HYCC2: variants seen among roughly 807,000 people sequenced by gnomAD.
The protein encoded by HYCC2 is hyccin PI4KA lipid kinase complex subunit 2.
the HYCC2 span, chr2:200,996,323 T>TA: frequency 3.9e-5 from 6 of 152,228 alleles, no homozygotes; most frequent in African/African-American, 1.4e-4. Context: ...CTGGCCTACA[T>TA]TTTTTCTATG....
chr2:200,994,147 C>T, the HYCC2 span, among the ~76,000 whole-genome samples: 1 of 152,044 alleles, frequency 6.6e-6, no homozygotes, highest in African/African-American at 2.4e-5. Context: ...AGTATCACAC[C>T]ACTATGGTAT....
chr2:200,991,586 A>C, the HYCC2 span, among the ~76,000 whole-genome samples: 2 of 151,718 alleles, frequency 1.3e-5, no homozygotes, highest in East Asian at 3.9e-4. Flanking sequence ...AAAAAAAGAA[A>C]AAATCACCTG....
At chr2:200,993,136 G>A in the HYCC2 span, 29 of 618,986 alleles carry the variant, frequency 4.7e-5, no homozygotes, top group South Asian at 1.7e-4. Flanking sequence ...ACCAGTCATC[G>A]TTCTGGGCCT....
the HYCC2 span, among the ~76,000 whole-genome samples, chr2:201,038,706 G>A: frequency 2.0e-5 from 3 of 151,858 alleles, no homozygotes; most frequent in African/African-American, 4.8e-5. Context: ...AAAACACATC[G>A]ACACAGGAAG....
the HYCC2 span, among the ~76,000 whole-genome samples, chr2:201,003,698 G>A: frequency 6.9e-6 from 1 of 145,056 alleles, no homozygotes; most frequent in African/African-American, 2.5e-5. Flanking sequence ...GACAGAGCGA[G>A]ACTCCATCTT....
the HYCC2 span, among the ~76,000 whole-genome samples, chr2:201,035,253 T>A: frequency 6.6e-6 from 1 of 152,250 alleles, no homozygotes; most frequent in Non-Finnish European, 1.5e-5. Context: ...CAGACGTAGA[T>A]TTGGTCTTTT....
chr2:201,026,011 C>G, the HYCC2 span, among the ~76,000 whole-genome samples: 2 of 152,134 alleles, frequency 1.3e-5, no homozygotes. Flanking sequence ...TTAAAAGACA[C>G]AGACTGGCAA....
At chr2:201,046,439 G>A in the HYCC2 span, among the ~76,000 whole-genome samples, 2 of 152,072 alleles carry the variant, frequency 1.3e-5, no homozygotes, top group Admixed American at 1.3e-4. Context: ...GGAAGAACTT[G>A]AAAAGGGCTA....
chr2:201,040,331 T>C, the HYCC2 span, among the ~76,000 whole-genome samples: 84 of 152,162 alleles, frequency 5.5e-4, 1 homozygote, highest in Non-Finnish European at 4.3e-4. Context: ...AGAATTTCTT[T>C]CATTAAAAAA....
chr2:201,008,488 A>G, the HYCC2 span, among the ~76,000 whole-genome samples: 1 of 152,160 alleles, frequency 6.6e-6, no homozygotes, highest in African/African-American at 2.4e-5. Flanking sequence ...AGCTGAGTGC[A>G]GTGGTGCATG....
the HYCC2 span, among the ~76,000 whole-genome samples, chr2:201,044,848 T>G: frequency 6.6e-6 from 1 of 152,168 alleles, no homozygotes; most frequent in Non-Finnish European, 1.5e-5. Context: ...AATTACATGC[T>G]AGGTACCAAG....
chr2:200,981,364 G>A, the HYCC2 span: 1 of 1,614,192 alleles, frequency 6.2e-7, no homozygotes. This position sits in a 1 kb window ranked among gnomAD's most constrained non-coding sequence, Gnocchi z 4.5. Flanking sequence ...ACCTTCGCCA[G>A]CTTGACCTAG....
chr2:201,002,650 C>A, the HYCC2 span, among the ~76,000 whole-genome samples: 1 of 151,690 alleles, frequency 6.6e-6, no homozygotes, highest in Admixed American at 6.6e-5. Flanking sequence ...CTCAGCCTCC[C>A]GAGTAGCTGG....
the HYCC2 span, chr2:201,063,775 T>C: frequency 3.1e-6 from 5 of 1,590,598 alleles, no homozygotes; most frequent in Non-Finnish European, 4.3e-6. Context: ...GTGGCTTTGG[T>C]GGCAGCCGTG....
the HYCC2 span, among the ~76,000 whole-genome samples, chr2:200,984,439 T>C: frequency 6.6e-6 from 1 of 152,250 alleles, no homozygotes; most frequent in South Asian, 2.1e-4. Context: ...GTCCCTTCAA[T>C]TTCAACATGT....
chr2:200,984,676 G>A, the HYCC2 span, among the ~76,000 whole-genome samples: 274 of 152,304 alleles, frequency 1.8e-3, no homozygotes, highest in African/African-American at 6.2e-3. Context: ...CTTGAGTTGA[G>A]GAGTTTGAGA....
chr2:201,038,606 A>G, the HYCC2 span, among the ~76,000 whole-genome samples: 1 of 152,192 alleles, frequency 6.6e-6, no homozygotes, highest in Non-Finnish European at 1.5e-5. Flanking sequence ...ACATGGAAGA[A>G]GCTGGAAACC....
chr2:201,009,641 G>T, the HYCC2 span, among the ~76,000 whole-genome samples: 2 of 152,000 alleles, frequency 1.3e-5, no homozygotes, highest in Non-Finnish European at 2.9e-5. Flanking sequence ...TGTATTTTTA[G>T]TAGAGACGCG....
the HYCC2 span, chr2:201,063,032 T>G: frequency 6.3e-7 from 1 of 1,595,294 alleles, no homozygotes; most frequent in Admixed American, 1.7e-5. Context: ...TCTTCTCCTT[T>G]CTGCCCGTGG....
Sources: allele counts gnomAD v4.1 joint callset (sites outside exome capture counted in the v4.1 genomes callset), GRCh38; gene constraint gnomAD v4.1.1; non-coding constraint Gnocchi (gnomAD v3.1); transcripts MANE v1.5; gene names NCBI Gene and HGNC (gene_info 2026-07-23, HGNC 2026-07-21).